Variants in TAF4 observed in about 807,000 individuals in gnomAD.
TAF4 encodes the protein TATA-box binding protein associated factor 4, also known as transcription initiation factor TFIID subunit 4.
Under a neutral mutation model 90.3 loss-of-function variants are expected in TAF4, and 9 were observed. The ratio of observed to expected loss-of-function variants is 0.10; its 90% confidence interval spans 0.06 to 0.17. The LOEUF (loss-of-function observed/expected upper bound fraction) is 0.17. Among genes scored for constraint, TAF4 ranks in the 10% least tolerant of loss-of-function variants. TAF4 has a pLI of 1.00. For missense variants in TAF4, 1,351 were observed against 1,370.7 expected, an observed-to-expected ratio of 0.99 and a Z score of 0.23; for synonymous variants, 818 against 638.9, an observed-to-expected ratio of 1.28 and a Z score of -4.23.
At chr20:62,009,307 A>T (rs1600841488) in intron 4 of TAF4, 133 bp from the exon 5 acceptor site, 1 of 966,228 alleles carries the variant, frequency 1.0e-6, no homozygotes, top group Non-Finnish European at 1.5e-6. Context: ...AAGAAAACGC[A>T]CCACCTCTTG....
intron 1 of TAF4, among the ~76,000 whole-genome samples, chr20:62,022,245 G>A (rs1486550958): frequency 6.6e-6 from 1 of 152,188 alleles, no homozygotes; most frequent in Non-Finnish European, 1.5e-5. Flanking sequence ...CAGCTGCCCT[G>A]GGCCTCACTC....
intron 1 of TAF4, among the ~76,000 whole-genome samples, chr20:62,041,718 G>A (rs535326674): frequency 1.3e-5 from 2 of 151,866 alleles, no homozygotes; most frequent in Admixed American, 1.3e-4. Flanking sequence ...ACTGCCTCAG[G>A]CCAGGAGTTT....
intron 4 of TAF4, 142 bp downstream of exon 4, chr20:62,009,904 G>T: frequency 7.4e-7 from 1 of 1,349,988 alleles, no homozygotes; most frequent in Admixed American, 2.3e-5. Flanking sequence ...GTGCTCACGT[G>T]GGCCCCAGAC....
chr20:62,001,693 CTGCACA>C (rs1396390245), intron 9 of TAF4, among the ~76,000 whole-genome samples: 2 of 152,088 alleles, frequency 1.3e-5, no homozygotes, highest in African/African-American at 4.8e-5. Context: ...TGTGGCTGGG[CTGCACA>C]GCTTAGGGCT....
At chr20:62,029,481 C>CGT (rs1401711867) in intron 1 of TAF4, among the ~76,000 whole-genome samples, 7 of 131,824 alleles carry the variant, frequency 5.3e-5, no homozygotes, top group African/African-American at 1.3e-4. Context: ...CACGTGCGCG[C>CGT]GCGCGCACAC....
chr20:61,998,325 G>A, intron 12 of TAF4, 133 bp from the exon 13 acceptor site: 1 of 892,024 alleles, frequency 1.1e-6, no homozygotes, highest in East Asian at 2.9e-5. Context: ...TTTGTGAAAT[G>A]CTTATAGCCA....
intron 1 of TAF4, among the ~76,000 whole-genome samples, chr20:62,059,928 A>G (rs906598958): frequency 6.6e-6 from 1 of 152,244 alleles, no homozygotes; most frequent in Admixed American, 6.5e-5. Context: ...CTTCAAATTT[A>G]TCCCTTAAGT....
intron 1 of TAF4, among the ~76,000 whole-genome samples, chr20:62,059,121 T>A (rs1385195637): frequency 1.3e-5 from 2 of 152,206 alleles, no homozygotes; most frequent in Non-Finnish European, 2.9e-5. Flanking sequence ...CTCCACAACA[T>A]GACACCCACG....
chr20:61,975,960 A>G lies in TAF4; in HGVS notation c.*208T>C. Reference sequence around the variant, plus strand: ...ACTCAATCAAGATGAGTTAAGATTTAATTGTCCTTTAAGAGTATCCACAGG... The same window carrying G: ...ACTCAATCAAGATGAGTTAAGATTTGATTGTCCTTTAAGAGTATCCACAGG... On this transcript the variant is annotated 3_prime_UTR_variant, in exon 15 of 15. Transcript: ENST00000252996. 1 of 560,382 alleles carries G rather than the reference A, an allele frequency of 1.8e-6. No individual in the cohort carries two copies. The highest frequency in any genetic ancestry group is 3.1e-6 in the Non-Finnish European group (1 of 320,618). The allele number at this position is 560,382 out of a possible 1,614,324, so 34.7% of individuals were successfully genotyped here.
intron 14 of TAF4, among the ~76,000 whole-genome samples, chr20:61,988,867 T>C (rs972229724): frequency 1.2e-4 from 18 of 152,036 alleles, no homozygotes; most frequent in Non-Finnish European, 2.5e-4. Context: ...ACGCACGAGC[T>C]CCCTTACTCT....
rs530612122 is a variant in TAF4 at position 62,014,747 on chromosome 20, C to T, written c.1361-40G>A. 25 of 1,604,972 alleles carry T rather than the reference C, an allele frequency of 1.6e-5. No homozygotes were observed. In the East Asian group the frequency reaches 4.7e-4, roughly 30 times the overall value. ...GACCTGGCGTCAGGAACGCAACCAC[C>T]CCAGAGCCATGAGGAGGCCCTGGCC... On this transcript the variant is annotated intron_variant, in intron 1 of 14. Transcript: ENST00000252996.
chr20:62,007,751 G>C, intron 5 of TAF4, 115 bp from the exon 6 acceptor site: 1 of 983,490 alleles, frequency 1.0e-6, no homozygotes, highest in Non-Finnish European at 1.5e-6. Context: ...AGTTTCACTG[G>C]ACAGAGGAGA....
intron 1 of TAF4, among the ~76,000 whole-genome samples, chr20:62,056,761 T>C (rs1232419184): frequency 2.0e-5 from 3 of 152,174 alleles, no homozygotes; most frequent in Admixed American, 2.0e-4. Context: ...CAAGTGACTG[T>C]ATTTTCTTCT....
At position 62,010,112 on chromosome 20, in the gene TAF4, C is replaced by G. The variant is rs746066215; in HGVS notation, c.1695G>C (p.Thr565=). 2 of 1,613,760 alleles carry G rather than the reference C, an allele frequency of 1.2e-6. No homozygotes were observed. The highest frequency in any genetic ancestry group is 2.7e-5 in the African/African-American group (2 of 74,886). Residue 565 remains threonine (T), a synonymous_variant, in exon 4 of 15, where the codon ACG becomes ACC. Transcript: ENST00000252996. This position sits in a 1 kb window ranked among gnomAD's most constrained non-coding sequence, Gnocchi z 4.5. ...AAQTASLGTA[T]AVQTGTPQRT... is the part of the protein sequence containing the mutation. Reference sequence around the variant, plus strand: ...GCTGAGGAGTCCCCGTCTGAACAGCCGTCGCCGTCCCAAGTGAAGCCGTCT... The same window carrying G: ...GCTGAGGAGTCCCCGTCTGAACAGCGGTCGCCGTCCCAAGTGAAGCCGTCT...
chr20:62,000,494 C>A, intron 10 of TAF4, 58 bp downstream of exon 10: 2 of 1,567,646 alleles, frequency 1.3e-6, no homozygotes, highest in Non-Finnish European at 1.7e-6. Flanking sequence ...ACCTGAAGCT[C>A]CCATGCCCCA....
rs2056117154 is a variant in TAF4 at position 62,064,995 on chromosome 20, CGGGGGCGG to C, written c.808_815del (p.Pro270AlafsTer189). 7.4e-6 allele frequency: 1 copy of C among 134,322 alleles called. No individual in the cohort carries two copies. Among genetic ancestry groups the C allele is most frequent in the Non-Finnish European group, 8.9e-6 (1 of 111,770 alleles). The allele number at this position is 134,322 out of a possible 1,614,324, so 8.3% of individuals were successfully genotyped here. A position where few individuals can be genotyped will look rare whatever the true frequency, so the allele number is the denominator to read the frequency against. The stretch of plus-strand genomic sequence containing the variant: ...CCAGAGTGGCGGGCGCGGGGGGTGG[CGGGGGCGG>C]GGCGGCGGCGGGGGCGGCGGGCGCG... On this transcript the variant is annotated frameshift_variant, in exon 1 of 15. Coordinates refer to ENST00000252996, the MANE Select transcript of TAF4 (RefSeq NM_003185.4). LOFTEE classifies it high-confidence loss of function.
intron 1 of TAF4, among the ~76,000 whole-genome samples, chr20:62,016,870 T>C (rs1225380255): frequency 6.6e-6 from 1 of 152,132 alleles, no homozygotes. Flanking sequence ...GTGAGTGTGG[T>C]GGCTCACACC....
rs2056123862 is a variant in TAF4, at chr20:62,065,360, C to T, written c.451G>A (p.Glu151Lys). ...TTGGCGGGGCCGGCGGGGGCGGGCT[C>T]GGGCCCCGCGGCGACGGCGGCGGCG... is the stretch of plus-strand genomic sequence containing the variant. ...PAAAAVAAGP[E>K]PAPAGPAKPA... Residue 151 changes from glutamate to lysine, a missense_variant, in exon 1 of 15, where the codon GAG becomes AAG. By Grantham distance (56) the Glu-to-Lys change is moderately conservative. Transcript: ENST00000252996. 3.1e-6 allele frequency: 3 copies of T among 964,702 alleles called. No homozygotes were observed. The highest frequency in any genetic ancestry group is 3.7e-6 in the Non-Finnish European group (3 of 819,954). 59.8% of individuals were successfully genotyped at this position (964,702 alleles called of 1,614,324 possible). A position where few individuals can be genotyped will look rare whatever the true frequency, so the allele number is the denominator to read the frequency against.
At chr20:62,053,463 C>T (rs1294734754) in intron 1 of TAF4, among the ~76,000 whole-genome samples, 1 of 152,236 alleles carries the variant, frequency 6.6e-6, no homozygotes, top group African/African-American at 2.4e-5. Context: ...AACACTGGGG[C>T]ACCCACATCT....
Sources: gnomAD v4.1 joint callset for allele counts (sites outside exome capture counted in the v4.1 genomes callset) on GRCh38, gnomAD v4.1.1 for gene constraint, Gnocchi (gnomAD v3.1) non-coding constraint, MANE v1.5 for transcripts, NCBI Gene and HGNC (gene_info 2026-07-23, HGNC 2026-07-21) for gene names.